Variants in GCFC2 observed in about 807,000 individuals in gnomAD.
GCFC2 encodes the protein GC-rich sequence DNA-binding factor 2.
A neutral mutation model predicts 99.4 loss-of-function variants in GCFC2; 102 were observed. The ratio of observed to expected loss-of-function variants is 1.03; its 90% CI spans 0.87 to 1.21. The LOEUF is 1.21. Among genes scored for constraint, GCFC2 ranks in the 50% most tolerant of loss-of-function variants. The pLI is 0.00. For missense variants in GCFC2, 973 were observed against 920.9 expected, an observed-to-expected ratio of 1.06 and a Z score of -0.73; for synonymous variants, 338 against 316.8, an observed-to-expected ratio of 1.07 and a Z score of -0.71.
intron 4 of GCFC2, among the ~76,000 whole-genome samples, chr2:75,699,637 T>C (rs1300988338): frequency 6.6e-6 from 1 of 152,006 alleles, no homozygotes; most frequent in Non-Finnish European, 1.5e-5. Flanking sequence ...AGTGCAGTGG[T>C]GTGATCATAG....
chr2:75,677,486 G>T (rs752087095), intron 12 of GCFC2, among the ~76,000 whole-genome samples: 4 of 152,168 alleles, frequency 2.6e-5, no homozygotes, highest in Non-Finnish European at 5.9e-5. Context: ...TGAAGACCGG[G>T]GAGTGCTACT....
At position 75,674,601 on chromosome 2, in the gene GCFC2, T is replaced by G. The variant is rs370048943; in HGVS notation, c.1813-1081A>C. Among the ~76,000 whole-genome samples, 33 of 152,140 alleles carry G rather than the reference T, an allele frequency of 2.2e-4. 1 individual carries two copies. The East Asian group carries it at 5.8e-3, about 27-fold the overall frequency. On this transcript the variant is annotated intron_variant, in intron 12 of 16. Coordinates refer to ENST00000321027, the MANE Select transcript of GCFC2 (RefSeq NM_003203.5). ...ATTTTTTTCATATATTAGCAATATT[T>G]ATATTATTTATATAATGATATTCTT...
At chr2:75,710,397 A>C (rs768576616) in intron 1 of GCFC2, 194 bp downstream of exon 1, 325 of 1,305,412 alleles carry the variant, frequency 2.5e-4, no homozygotes, top group Admixed American at 5.7e-4. Flanking sequence ...TCCAAAAGGC[A>C]GATGCAGATA....
chr2:75,711,601 A>G (rs1681185725), upstream of GCFC2, among the ~76,000 whole-genome samples: 1 of 152,190 alleles, frequency 6.6e-6, no homozygotes, highest in Middle Eastern at 3.2e-3. Context: ...GTGGCGTCAT[A>G]TTGAGAGGTG....
At chr2:75,703,062 GACA>G (rs755804478) in intron 2 of GCFC2, among the ~76,000 whole-genome samples, 5 of 152,242 alleles carry the variant, frequency 3.3e-5, no homozygotes, top group Non-Finnish European at 5.9e-5. Context: ...AATTTTAAAT[GACA>G]ACAACTCTTA....
chr2:75,672,282 G>T (rs1336214009), intron 13 of GCFC2, among the ~76,000 whole-genome samples: 13 of 110,216 alleles, frequency 1.2e-4, no homozygotes, highest in Admixed American at 2.1e-4. Flanking sequence ...TTATAAATAT[G>T]TTTATAAAAT....
rs759540545 is a variant in GCFC2 at position 75,670,269 on chromosome 2, G to T, written c.1972C>A (p.Leu658Ile). The T allele has an allele frequency of 3.7e-6, 6 of 1,601,472 alleles. No individual in the cohort carries two copies. The highest frequency in any genetic ancestry group is 5.1e-6 in the Non-Finnish European group (6 of 1,169,142). ...WSGLKLFRNILLWNGLLTDDT... is the reference protein window; with the variant it reads ...WSGLKLFRNIILWNGLLTDDT... ...TCTGTAAGGAGTCCATTCCAAAGAA[G>T]AATATTGCGGAAGAGCTAAAATAAA... Residue 658 changes from leucine (L) to isoleucine (I), a missense_variant, in exon 15 of 17, where the codon CTT becomes ATT. By Grantham distance (5) the Leu-to-Ile change is conservative. Transcript: ENST00000321027.
intron 12 of GCFC2, among the ~76,000 whole-genome samples, chr2:75,677,152 T>C (rs945990962): frequency 5.9e-5 from 9 of 152,240 alleles, no homozygotes; most frequent in Non-Finnish European, 1.3e-4. Context: ...CAATGACAGA[T>C]TATAGTAATT....
At chr2:75,673,555 A>G (rs766964541) in intron 12 of GCFC2, 35 bp from the exon 13 acceptor site, 1 of 891,298 alleles carries the variant, frequency 1.1e-6, no homozygotes, top group Non-Finnish European at 1.9e-6. Flanking sequence ...TCAGTGATAG[A>G]AGATAGAAAT....
rs755030304 is a variant in GCFC2 at position 75,670,104 on chromosome 2, ATAAAAT to A, written c.2103+28_2103+33del. The A allele has an allele frequency of 6.0e-5, 87 of 1,443,232 alleles. No homozygotes were observed. The Middle Eastern group carries it at 7.1e-4, about 12-fold the overall frequency. 89.4% of individuals were successfully genotyped at this position (1,443,232 alleles called of 1,614,324 possible). On this transcript the variant is annotated intron_variant, in intron 15 of 16. Coordinates refer to ENST00000321027, the MANE Select transcript of GCFC2 (RefSeq NM_003203.5). ...TTAATAGCTAAATTTTTTAGAAATG[ATAAAAT>A]TAGAATCAGTCTTCCTTCACAACTT... is the stretch of plus-strand genomic sequence containing the variant.
intron 10 of GCFC2, among the ~76,000 whole-genome samples, chr2:75,688,729 C>G (rs2104331124): frequency 6.6e-6 from 1 of 152,224 alleles, no homozygotes; most frequent in East Asian, 1.9e-4. Flanking sequence ...TTTATATCTA[C>G]TTTCTCCAAA....
At chr2:75,699,851 A>G (rs1157571501) in intron 4 of GCFC2, among the ~76,000 whole-genome samples, 1 of 151,330 alleles carries the variant, frequency 6.6e-6, no homozygotes, top group Non-Finnish European at 1.5e-5. Context: ...TGCTGGAGTA[A>G]CAGGTGTGAG....
At chr2:75,692,264 G>A (rs1231150024) in intron 6 of GCFC2, among the ~76,000 whole-genome samples, 164 bp from the exon 7 acceptor site, 2 of 151,814 alleles carry the variant, frequency 1.3e-5, no homozygotes, top group African/African-American at 4.8e-5. Context: ...ATAAAACATT[G>A]TGTGCAACAG....
At chr2:75,669,617 A>G (rs1452464107) in intron 15 of GCFC2, among the ~76,000 whole-genome samples, 1 of 152,100 alleles carries the variant, frequency 6.6e-6, no homozygotes, top group Non-Finnish European at 1.5e-5. Flanking sequence ...ACAGCCAGCC[A>G]TCTAGCATCA....
At chr2:75,672,136 T>C (rs1048195319) in intron 13 of GCFC2, 120 bp from the exon 14 acceptor site, 4 of 226,868 alleles carry the variant, frequency 1.8e-5, no homozygotes, top group Non-Finnish European at 3.6e-5. Context: ...GGAATATAAA[T>C]AGAGATTGTT....
intron 12 of GCFC2, among the ~76,000 whole-genome samples, chr2:75,675,119 G>C (rs1427033078): frequency 6.6e-6 from 1 of 152,032 alleles, no homozygotes; most frequent in Non-Finnish European, 1.5e-5. Context: ...TAGTTCTATT[G>C]AAAATGTTAT....
intron 11 of GCFC2, among the ~76,000 whole-genome samples, chr2:75,683,129 AGACACATAATTGTCAGATTC>A (rs1315933659): frequency 1.3e-5 from 2 of 151,832 alleles, no homozygotes; most frequent in Non-Finnish European, 2.9e-5. Flanking sequence ...AGCAACCCCA[AGACACATAATTGTCAGATTC>A]ACCAAGGTTG....
In GCFC2 at chr2:75,670,138, CT is replaced by C; in HGVS notation, c.2102del (p.Gln701ArgfsTer2). The stretch of plus-strand genomic sequence containing the variant: ...GAATCAGTCTTCCTTCACAACTTAC[CT>C]GGTTGCACTTTTTAACCACATCTGG... Reference protein sequence around the residue: ...PGPDVVKKCNQVAACLPEKWF... With the variant: ...PGPDVVKKCNXVAACLPEKWF... On this transcript the variant is annotated frameshift_variant and splice_region_variant, in exon 15 of 17. Coordinates refer to ENST00000321027, the MANE Select transcript of GCFC2 (RefSeq NM_003203.5). LOFTEE classifies it high-confidence loss of function. 6.3e-7 allele frequency: 1 copy of C among 1,589,618 alleles called. No homozygotes were observed.
At chr2:75,665,200 G>GA (rs920878302) in intron 16 of GCFC2, among the ~76,000 whole-genome samples, 12 of 151,856 alleles carry the variant, frequency 7.9e-5, no homozygotes, top group Admixed American at 5.2e-4. Context: ...TGGTCAGACT[G>GA]GAGTACAGTG....
Sources: gnomAD v4.1 joint callset for allele counts (sites outside exome capture counted in the v4.1 genomes callset) on GRCh38, gnomAD v4.1.1 for gene constraint, MANE v1.5 for transcripts, NCBI Gene and HGNC (gene_info 2026-07-23, HGNC 2026-07-21) for gene names.